The following ANKS1B variants were observed in gnomAD, a reference collection of about 807,000 sequenced individuals.
ANKS1B encodes ankyrin repeat and sterile alpha motif domain containing 1B.
ANKS1B carries 36 observed loss-of-function variants against 148.3 expected under a neutral mutation model. The observed-to-expected ratio is 0.24, with a 90% CI of 0.19 to 0.32. The LOEUF (loss-of-function observed/expected upper bound fraction) is 0.32, where lower values mean the gene tolerates loss of function less well. ANKS1B is among the 10% of genes least tolerant of loss of function. The pLI, the probability that ANKS1B is intolerant of heterozygous loss-of-function variation, is 1.00. For synonymous variants in ANKS1B, 542 were observed against 560.8 expected, an observed-to-expected ratio of 0.97 and a Z score of 0.47; for missense variants, 1,157 against 1,542.6, an observed-to-expected ratio of 0.75 and a Z score of 4.19.
At chr12:98,836,227 G>A (rs556686510) in intron 17 of ANKS1B, among the ~76,000 whole-genome samples, 1 of 152,152 alleles carries the variant, frequency 6.6e-6, no homozygotes, top group South Asian at 2.1e-4. Context: ...GAGTTATCAT[G>A]TTTAAAGCAT....
chr12:99,118,608 T>C lies in ANKS1B; in HGVS notation c.2527-33585A>G, dbSNP rs141682532. Among the ~76,000 whole-genome samples the C allele has an allele frequency of 5.0e-3, 755 of 152,318 alleles. 9 individuals carry two copies. Among genetic ancestry groups the C allele is most frequent in the African/African-American group, 0.017 (694 of 41,560 alleles). On this transcript the variant is annotated intron_variant, in intron 15 of 26. Transcript: ENST00000683438. ...TAAAATATAATATTATGTGCTGCAA[T>C]GCTGTGAGCCCACCCACCCACCAGA...
At chr12:99,302,355 T>C (rs560619511) in intron 12 of ANKS1B, among the ~76,000 whole-genome samples, 1 of 152,160 alleles carries the variant, frequency 6.6e-6, no homozygotes, top group East Asian at 1.9e-4. Context: ...ACACATGCAT[T>C]ACACAAAAGA....
chr12:98,994,191 G>T (rs1294436512), intron 17 of ANKS1B, among the ~76,000 whole-genome samples: 1 of 152,054 alleles, frequency 6.6e-6, no homozygotes, highest in Non-Finnish European at 1.5e-5. Context: ...GTTTCCATGA[G>T]GTTTAAAAAC....
chr12:99,483,399 T>G (rs886200626), intron 10 of ANKS1B, among the ~76,000 whole-genome samples: 1 of 151,964 alleles, frequency 6.6e-6, no homozygotes, highest in Non-Finnish European at 1.5e-5. Flanking sequence ...TTTGGTTAGC[T>G]AGTATTTTGT....
At chr12:99,357,503 G>A (rs1007376165) in intron 12 of ANKS1B, among the ~76,000 whole-genome samples, 1 of 152,010 alleles carries the variant, frequency 6.6e-6, no homozygotes, top group Non-Finnish European at 1.5e-5. Flanking sequence ...GCCTCATCTG[G>A]GTGTTGGGTG....
intron 1 of ANKS1B, among the ~76,000 whole-genome samples, chr12:99,839,911 C>G (rs886695615): frequency 6.6e-6 from 1 of 151,726 alleles, no homozygotes; most frequent in African/African-American, 2.4e-5. Flanking sequence ...CTTTTAATTA[C>G]TGCTGCTAGT....
At chr12:99,533,449 G>A (rs1224081649) in intron 9 of ANKS1B, among the ~76,000 whole-genome samples, 1 of 152,014 alleles carries the variant, frequency 6.6e-6, no homozygotes, top group Non-Finnish European at 1.5e-5. Context: ...GAGTCTTTGG[G>A]GTTTTCAAGG....
chr12:99,561,054 G>A (rs2097331366), intron 9 of ANKS1B, among the ~76,000 whole-genome samples: 1 of 151,888 alleles, frequency 6.6e-6, no homozygotes, highest in South Asian at 2.1e-4. Context: ...CACCGTGTTA[G>A]CCAGGATGGT....
chr12:99,151,496 C>G (rs946972672), intron 15 of ANKS1B, among the ~76,000 whole-genome samples: 3 of 150,420 alleles, frequency 2.0e-5, no homozygotes, highest in Admixed American at 2.0e-4. Flanking sequence ...CCACTGCATT[C>G]CAGCCTGGGT....
intron 9 of ANKS1B, among the ~76,000 whole-genome samples, chr12:99,613,641 C>A (rs191594763): frequency 2.0e-5 from 3 of 151,978 alleles, no homozygotes; most frequent in Admixed American, 2.0e-4. Context: ...TTATAAGTGG[C>A]AGCTAAATGA....
At chr12:99,325,104 T>C (rs1428173535) in intron 12 of ANKS1B, among the ~76,000 whole-genome samples, 2 of 152,114 alleles carry the variant, frequency 1.3e-5, no homozygotes, top group Non-Finnish European at 2.9e-5. Flanking sequence ...AAGACTATAA[T>C]GAAGCATATA....
At chr12:99,093,440 A>G (rs999078914) in intron 15 of ANKS1B, 4 of 152,274 alleles carry the variant, frequency 2.6e-5, no homozygotes, top group African/African-American at 9.6e-5. Context: ...TGACTGGTCA[A>G]CTGGGAAAAT....
chr12:99,432,485 G>T (rs1039838207), intron 11 of ANKS1B, among the ~76,000 whole-genome samples: 21 of 152,120 alleles, frequency 1.4e-4, no homozygotes, highest in Non-Finnish European at 2.4e-4. Context: ...GAAAAGAGAG[G>T]GATGGAAGGA....
intron 14 of ANKS1B, among the ~76,000 whole-genome samples, chr12:99,189,254 T>C (rs753605621): frequency 3.3e-5 from 5 of 152,196 alleles, no homozygotes; most frequent in Non-Finnish European, 7.3e-5. Flanking sequence ...AGCCGAATTC[T>C]ACCAGTGGTG....
At chr12:99,373,789 G>A (rs554218663) in intron 12 of ANKS1B, among the ~76,000 whole-genome samples, 70 of 152,066 alleles carry the variant, frequency 4.6e-4, no homozygotes, top group African/African-American at 1.4e-3. Context: ...GTGACTTGGC[G>A]AAAGTGAGAA....
At chr12:99,080,311 G>A (rs187873975) in intron 16 of ANKS1B, among the ~76,000 whole-genome samples, 1 of 152,280 alleles carries the variant, frequency 6.6e-6, no homozygotes, top group Admixed American at 6.5e-5. Context: ...TGGAATTTCT[G>A]ATCTTCTGCT....
At chr12:98,772,484 G>C (rs2098599588) in intron 25 of ANKS1B, among the ~76,000 whole-genome samples, 1 of 152,144 alleles carries the variant, frequency 6.6e-6, no homozygotes, top group Non-Finnish European at 1.5e-5. Flanking sequence ...CACATGGCTG[G>C]GGAGGCCTCA....
At chr12:98,798,045 A>G (rs1341659476) in intron 22 of ANKS1B, among the ~76,000 whole-genome samples, 1 of 152,210 alleles carries the variant, frequency 6.6e-6, no homozygotes, top group Non-Finnish European at 1.5e-5. Flanking sequence ...TGGGTCTGCA[A>G]TACGAGTTAG....
rs567522874 is a variant in ANKS1B, at chr12:99,780,336, C to T, written c.746-364G>A. Among the ~76,000 whole-genome samples, 166 of 152,046 alleles carry T rather than the reference C, an allele frequency of 1.1e-3. 2 individuals are homozygous for T. The highest frequency in any genetic ancestry group is 3.8e-3 in the African/African-American group (158 of 41,486). On this transcript the variant is annotated intron_variant, in intron 5 of 26. Coordinates refer to ENST00000683438, the MANE Select transcript of ANKS1B (RefSeq NM_001352186.2). ...TGTTGCCCAGGCTGGAGTGCAGTGG[C>T]GCGATCTCGGCTCACTGCAAGCTCC...
Sources: gnomAD v4.1 joint callset for allele counts (sites outside exome capture counted in the v4.1 genomes callset) on GRCh38, gnomAD v4.1.1 for gene constraint, MANE v1.5 for transcripts, NCBI Gene and HGNC (gene_info 2026-07-23, HGNC 2026-07-21) for gene names.